Variants in DDX60 observed in about 807,000 individuals in gnomAD.
The protein encoded by DDX60 is probable ATP-dependent RNA helicase DDX60.
DDX60 carries 165 observed loss-of-function variants against 212.8 expected under a neutral mutation model. The observed-to-expected ratio is 0.78, with a 90% CI of 0.68 to 0.88. The LOEUF (loss-of-function observed/expected upper bound fraction) is 0.88, where lower values mean the gene tolerates loss of function less well. Among genes scored for constraint, DDX60 ranks in the 40% least tolerant of loss-of-function variants. The pLI, the probability that DDX60 is intolerant of heterozygous loss-of-function variation, is 0.00. For missense variants in DDX60, 1,905 were observed against 2,003.9 expected, an observed-to-expected ratio of 0.95 and a Z score of 0.94; for synonymous variants, 703 against 685.3, an observed-to-expected ratio of 1.03 and a Z score of -0.40.
intron 33 of DDX60, among the ~76,000 whole-genome samples, chr4:168,231,398 A>C (rs2149493722): frequency 6.6e-6 from 1 of 150,826 alleles, no homozygotes; most frequent in South Asian, 2.1e-4. Context: ...GAAATGACAT[A>C]ACAAAAAAAA....
chr4:168,271,935 T>G (rs1735117902), intron 19 of DDX60, 108 bp downstream of exon 19: 1 of 875,730 alleles, frequency 1.1e-6, no homozygotes, highest in Middle Eastern at 3.5e-4. Context: ...GGAGGCCTTC[T>G]CAATCTGAAC....
At position 168,238,115 on chromosome 4, in the gene DDX60, C is replaced by T. The variant is rs115015889; in HGVS notation, c.4165-320G>A. ...TATCCCATGTTCTGCAGTATTATTACAAAAATAATGTAACTAGGTTGATTT... is the reference window on the plus strand; with the variant it reads ...TATCCCATGTTCTGCAGTATTATTATAAAAATAATGTAACTAGGTTGATTT... On this transcript the variant is annotated intron_variant, in intron 30 of 37. Transcript: ENST00000393743. Among the ~76,000 whole-genome samples, 1,055 of 149,102 alleles carry T rather than the reference C, an allele frequency of 7.1e-3. 8 individuals carry two copies. The highest frequency in any genetic ancestry group is 0.025 in the African/African-American group (1,022 of 40,604).
At chr4:168,300,949 C>T (rs1027262601) in intron 6 of DDX60, among the ~76,000 whole-genome samples, 1 of 152,022 alleles carries the variant, frequency 6.6e-6, no homozygotes, top group African/African-American at 2.4e-5. Flanking sequence ...GGCTCCAAAA[C>T]AGGGTGAGTC....
chr4:168,286,432 A>ACACACCACAC (rs1560859715), intron 10 of DDX60, among the ~76,000 whole-genome samples: 7 of 57,706 alleles, frequency 1.2e-4, no homozygotes, highest in African/African-American at 6.1e-4. Context: ...CGAGATAGAT[A>ACACACCACAC]GATAGATAGA....
Position 168,267,923 on chromosome 4 carries a change from G to A in DDX60, c.2847C>T (p.Thr949=), listed in dbSNP as rs148195164. 2.0e-5 allele frequency: 33 copies of A among 1,612,284 alleles called. No homozygotes were observed. The highest frequency in any genetic ancestry group is 1.6e-4 in the African/African-American group (12 of 74,832). Residue 949 remains threonine (T), a synonymous_variant, in exon 21 of 38, where the codon ACC becomes ACT. Coordinates refer to ENST00000393743, the MANE Select transcript of DDX60 (RefSeq NM_017631.6). ...GACGACCCACATGTCTTTTAGAAGC[G>A]GTATTATTTTCAATTATTTTGTCTT... ...KQEDKIIENN[T]ASKRHVGRQA...
intron 25 of DDX60, among the ~76,000 whole-genome samples, chr4:168,257,966 G>A (rs538630066): frequency 3.3e-5 from 5 of 152,342 alleles, no homozygotes; most frequent in African/African-American, 1.2e-4. Flanking sequence ...CTGGGTGGGT[G>A]TTCTTTCAAG....
At chr4:168,269,566 G>A (rs1735003541) in intron 19 of DDX60, among the ~76,000 whole-genome samples, 2 of 151,762 alleles carry the variant, frequency 1.3e-5, no homozygotes, top group Admixed American at 6.6e-5. Context: ...GCGCCACTGG[G>A]TTCCAGCCTG....
intron 19 of DDX60, among the ~76,000 whole-genome samples, chr4:168,269,857 T>A (rs76070575): frequency 0.023 from 3,437 of 152,222 alleles, 118 homozygotes; most frequent in African/African-American, 0.076. Context: ...ACGTATATTA[T>A]TCCCTCTGCT....
chr4:168,245,406 A>C (rs17705720), intron 30 of DDX60, among the ~76,000 whole-genome samples: 8,849 of 152,248 alleles, frequency 0.058, 446 homozygotes, highest in East Asian at 0.15. Flanking sequence ...GCCCACTTTT[A>C]AGAGTCCCAT....
chr4:168,237,772 T>C lies in DDX60; in HGVS notation c.4188A>G (p.Ser1396=). 1.2e-6 allele frequency: 2 copies of C among 1,611,564 alleles called. No homozygotes were observed. Among genetic ancestry groups the C allele is most frequent in the Non-Finnish European group, 1.7e-6 (2 of 1,178,718 alleles). ...CTCTGGGTTGCTTGAAGGACAGCAA[T>C]GAATGCTTTAGCACTGATAGCACCT... The part of the protein sequence containing the change: ...KAKVLSVLKH[S]LLSFKQPRVM... Residue 1396 remains serine (S), a synonymous_variant, in exon 31 of 38, where the codon TCA becomes TCG. Transcript: ENST00000393743.
chr4:168,252,134 G>T (rs975217223), intron 27 of DDX60, among the ~76,000 whole-genome samples: 1 of 152,190 alleles, frequency 6.6e-6, no homozygotes, highest in Admixed American at 6.5e-5. Flanking sequence ...TTGAAGTCTA[G>T]AATTCAGGCT....
At chr4:168,294,014 C>T (rs1736230820) in intron 6 of DDX60, 69 bp from the exon 7 acceptor site, 1 of 1,419,010 alleles carries the variant, frequency 7.0e-7, no homozygotes, top group Admixed American at 2.1e-5. Flanking sequence ...AGTGATCTTA[C>T]TAGTGGGTAC....
chr4:168,226,366 G>GCA (rs1160561670), intron 33 of DDX60, among the ~76,000 whole-genome samples: 2 of 151,906 alleles, frequency 1.3e-5, no homozygotes, highest in Admixed American at 6.6e-5. Flanking sequence ...TCATGAGGGT[G>GCA]GAGTCCTCAT....
At chr4:168,220,501 CA>C in intron 37 of DDX60, 153 bp downstream of exon 37, 1 of 521,526 alleles carries the variant, frequency 1.9e-6, no homozygotes, top group Non-Finnish European at 3.4e-6. Flanking sequence ...GTTGAACAGA[CA>C]TTCTGCAGAG....
Position 168,302,420 on chromosome 4 carries a change from T to C in DDX60, c.607-4A>G. ...CATCTTTAATGTTCTGCTTATTCTGTAAAATAAAGAAAAATCAGAAAAGTT... is the reference window on the plus strand; with the variant it reads ...CATCTTTAATGTTCTGCTTATTCTGCAAAATAAAGAAAAATCAGAAAAGTT... On this transcript the variant is annotated splice_polypyrimidine_tract_variant and splice_region_variant and intron_variant, in intron 5 of 37. Transcript: ENST00000393743. 1 of 1,348,162 alleles carries C rather than the reference T, an allele frequency of 7.4e-7. No homozygotes were observed. Among genetic ancestry groups the C allele is most frequent in the East Asian group, 2.6e-5 (1 of 38,740 alleles). The allele number at this position is 1,348,162 out of a possible 1,614,324, so 83.5% of individuals were successfully genotyped here. A position where few individuals can be genotyped will look rare whatever the true frequency, so the allele number is the denominator to read the frequency against.
chr4:168,293,096 TGTAA>T (rs1356348237), intron 7 of DDX60, among the ~76,000 whole-genome samples: 7 of 152,178 alleles, frequency 4.6e-5, no homozygotes, highest in East Asian at 3.9e-4. Context: ...CGTCTGAGTG[TGTAA>T]GTGTGTGTGT....
At chr4:168,321,866 T>C (rs1196530231), upstream of DDX60, among the ~76,000 whole-genome samples, 1 of 152,168 alleles carries the variant, frequency 6.6e-6, no homozygotes, top group African/African-American at 2.4e-5. Flanking sequence ...CTCAATTCAA[T>C]AGAATTCAAT....
intron 34 of DDX60, among the ~76,000 whole-genome samples, chr4:168,225,095 A>G (rs1456726908): frequency 6.6e-6 from 1 of 152,078 alleles, no homozygotes; most frequent in African/African-American, 2.4e-5. Flanking sequence ...ATATCTGTTC[A>G]GAAAACTAAG....
At chr4:168,305,926 G>A (rs914365992) in intron 5 of DDX60, among the ~76,000 whole-genome samples, 20 of 152,030 alleles carry the variant, frequency 1.3e-4, no homozygotes, top group African/African-American at 4.3e-4. Context: ...CAACAGGGGC[G>A]TAATTTTTGC....
Sources: allele counts gnomAD v4.1 joint callset (sites outside exome capture counted in the v4.1 genomes callset), GRCh38; gene constraint gnomAD v4.1.1; transcripts MANE v1.5; gene names NCBI Gene and HGNC (gene_info 2026-07-23, HGNC 2026-07-21).